Variants in DIAPH3 observed in about 807,000 individuals in gnomAD.
The protein encoded by DIAPH3 is diaphanous related formin 3, also known as protein diaphanous homolog 3.
Under a neutral mutation model 144.3 loss-of-function variants are expected in DIAPH3, and 117 were observed. That is an observed-to-expected ratio of 0.81 (90% confidence interval 0.70 to 0.95). The LOEUF (loss-of-function observed/expected upper bound fraction) is 0.95, where lower values mean the gene tolerates loss of function less well. DIAPH3 is among the 40% of genes least tolerant of loss of function. DIAPH3 has a pLI of 0.00. For synonymous variants in DIAPH3, 519 were observed against 488.9 expected, an observed-to-expected ratio of 1.06 and a Z score of -0.81; for missense variants, 1,421 against 1,412.7, an observed-to-expected ratio of 1.01 and a Z score of -0.09.
chr13:60,113,414 GA>G (rs1259391821), intron 2 of DIAPH3, among the ~76,000 whole-genome samples: 1 of 152,152 alleles, frequency 6.6e-6, no homozygotes, highest in African/African-American at 2.4e-5. Context: ...TTCAAATAAT[GA>G]GATGTAAAGA....
chr13:60,097,341 A>C (rs1016558668), intron 3 of DIAPH3, among the ~76,000 whole-genome samples: 3 of 152,054 alleles, frequency 2.0e-5, no homozygotes, highest in African/African-American at 2.4e-5. Context: ...GGTGGGGGCG[A>C]TTGAGTTCTT....
intron 5 of DIAPH3, among the ~76,000 whole-genome samples, chr13:60,031,946 G>A (rs527737243): frequency 1.7e-4 from 26 of 152,082 alleles, no homozygotes; most frequent in African/African-American, 5.5e-4. Context: ...GTTTCACCAC[G>A]TTGGCCAAGA....
chr13:59,729,254 G>C (rs80184886), intron 27 of DIAPH3, among the ~76,000 whole-genome samples: 6,481 of 152,248 alleles, frequency 0.043, 234 homozygotes, highest in South Asian at 0.11. Context: ...TATCAGTCAG[G>C]CAATTACTTA....
intron 13 of DIAPH3, 40 bp from the exon 14 acceptor site, chr13:59,980,899 C>A: frequency 6.5e-7 from 1 of 1,533,458 alleles, no homozygotes; most frequent in Non-Finnish European, 9.0e-7. Flanking sequence ...TGTGAAACTT[C>A]TTAAACTCAT....
intron 3 of DIAPH3, among the ~76,000 whole-genome samples, chr13:60,096,561 A>G (rs1185274647): frequency 6.6e-6 from 1 of 152,230 alleles, no homozygotes; most frequent in Non-Finnish European, 1.5e-5. Flanking sequence ...TACGTCTTTC[A>G]GAAGAGATTG....
chr13:59,710,004 G>A (rs373258093), intron 27 of DIAPH3, among the ~76,000 whole-genome samples: 11 of 151,596 alleles, frequency 7.3e-5, no homozygotes, highest in Non-Finnish European at 1.2e-4. Flanking sequence ...AACAAAAAAC[G>A]AAACACTGCA....
chr13:59,725,308 C>T (rs1249124447), intron 27 of DIAPH3, among the ~76,000 whole-genome samples: 1 of 152,114 alleles, frequency 6.6e-6, no homozygotes, highest in Admixed American at 6.6e-5. Flanking sequence ...TCTTCTTATC[C>T]TTGTTATATG....
At chr13:59,829,409 G>A (rs2071484281) in intron 24 of DIAPH3, among the ~76,000 whole-genome samples, 2 of 151,808 alleles carry the variant, frequency 1.3e-5, no homozygotes, top group Admixed American at 6.6e-5. Flanking sequence ...ATAGACTGTG[G>A]AGCCAGACAG....
chr13:59,928,081 A>G (rs1594021159), intron 17 of DIAPH3, among the ~76,000 whole-genome samples: 1 of 151,726 alleles, frequency 6.6e-6, no homozygotes, highest in East Asian at 1.9e-4. Context: ...CTTTTTCTCT[A>G]TTTTTCTTTT....
At chr13:60,032,263 C>A (rs1350552423) in intron 5 of DIAPH3, among the ~76,000 whole-genome samples, 1 of 152,090 alleles carries the variant, frequency 6.6e-6, no homozygotes, top group East Asian at 1.9e-4. Flanking sequence ...GAGCACTGAC[C>A]CTCTTCTCAC....
At chr13:60,128,981 AT>A (rs1195664931) in intron 2 of DIAPH3, among the ~76,000 whole-genome samples, 1 of 152,172 alleles carries the variant, frequency 6.6e-6, no homozygotes, top group Non-Finnish European at 1.5e-5. Context: ...AGTCAAAAAG[AT>A]TTGAAAACCA....
intron 17 of DIAPH3, among the ~76,000 whole-genome samples, chr13:59,930,732 C>G (rs1265127883): frequency 6.6e-6 from 1 of 152,078 alleles, no homozygotes; most frequent in African/African-American, 2.4e-5. Flanking sequence ...ATCAGGATAA[C>G]TATATTTTAG....
chr13:60,131,435 C>CAAAAAAAAAAAA (rs777909368), intron 2 of DIAPH3, among the ~76,000 whole-genome samples: 10 of 29,302 alleles, frequency 3.4e-4, no homozygotes, highest in African/African-American at 4.6e-4. Flanking sequence ...GACCCTGTCT[C>CAAAAAAAAAAAA]AAAAAAAAAA....
chr13:59,762,951 A>G (rs2037676522), intron 27 of DIAPH3, among the ~76,000 whole-genome samples: 1 of 152,110 alleles, frequency 6.6e-6, no homozygotes, highest in Non-Finnish European at 1.5e-5. Flanking sequence ...CACCATGGGA[A>G]GATGCAGTAA....
chr13:59,712,934 T>C (rs2034826622), intron 27 of DIAPH3, among the ~76,000 whole-genome samples: 1 of 152,178 alleles, frequency 6.6e-6, no homozygotes, highest in Non-Finnish European at 1.5e-5. Flanking sequence ...AGGCATTAGT[T>C]AGATTTTCAT....
chr13:59,983,140 A>T (rs1227996561), intron 13 of DIAPH3, among the ~76,000 whole-genome samples: 1 of 41,848 alleles, frequency 2.4e-5, no homozygotes, highest in South Asian at 4.9e-4. Context: ...CTTTATCTTT[A>T]AAAAAAAAAA....
chr13:59,993,656 G>A (rs1467147749), intron 9 of DIAPH3, among the ~76,000 whole-genome samples: 1 of 124,014 alleles, frequency 8.1e-6, no homozygotes, highest in African/African-American at 3.2e-5. Context: ...GTTTAAAGTG[G>A]GAATGGGAAA....
At chr13:59,949,292 C>G (rs901026255) in intron 17 of DIAPH3, among the ~76,000 whole-genome samples, 16 of 152,146 alleles carry the variant, frequency 1.1e-4, no homozygotes, top group African/African-American at 3.9e-4. Flanking sequence ...CCAAGTGCAA[C>G]AGCTTAGTAA....
Position 59,921,984 on chromosome 13 carries a change from A to T in DIAPH3, c.2170+2791T>A, listed in dbSNP as rs188731321. ...AATCATTTCAATAGATAGAAAAATA[A>T]TTTGACAGAATTCATCATTCTTTTA... On this transcript the variant is annotated intron_variant, in intron 18 of 27. Coordinates refer to ENST00000400324, the MANE Select transcript of DIAPH3 (RefSeq NM_001042517.2). Among the ~76,000 whole-genome samples, 26 of 152,238 alleles carry T rather than the reference A, an allele frequency of 1.7e-4. No individual in the cohort carries two copies. In the East Asian group the frequency reaches 4.6e-3, roughly 27 times the overall value.
Sources: allele counts gnomAD v4.1 joint callset (sites outside exome capture counted in the v4.1 genomes callset), GRCh38; gene constraint gnomAD v4.1.1; transcripts MANE v1.5; gene names NCBI Gene and HGNC (gene_info 2026-07-23, HGNC 2026-07-21).